ATXN10: variants seen among roughly 807,000 people sequenced by gnomAD.
ATXN10 encodes ataxin-10.
ATXN10 carries 28 observed loss-of-function variants against 52.9 expected under a neutral mutation model. That is an observed-to-expected ratio of 0.53 (90% CI 0.39 to 0.73). ATXN10 has a LOEUF of 0.73. Among genes scored for constraint, ATXN10 ranks in the 30% least tolerant of loss-of-function variants. ATXN10 has a pLI of 0.00. For missense variants in ATXN10, 565 were observed against 577.0 expected (o/e 0.98, Z 0.21); for synonymous variants, 226 against 221.5 (o/e 1.02, Z -0.18).
chr22:45,685,095 CTTT>C (rs66761568), intron 1 of ATXN10, among the ~76,000 whole-genome samples: 1 of 142,582 alleles, frequency 7.0e-6, no homozygotes. Context: ...TAGCATGTAG[CTTT>C]TTTTTTTTTT....
intron 5 of ATXN10, among the ~76,000 whole-genome samples, chr22:45,714,243 A>G (rs568402381): frequency 6.6e-4 from 100 of 151,854 alleles, no homozygotes; most frequent in Admixed American, 5.2e-3. Flanking sequence ...TGTGTATTCT[A>G]ATTTTCTTTA....
chr22:45,805,599 A>G lies in ATXN10; in HGVS notation c.1174-1360A>G, dbSNP rs969793960. On this transcript the variant is annotated intron_variant, in intron 9 of 11. Transcript: ENST00000252934. This position sits in a 1 kb window ranked among gnomAD's most constrained non-coding sequence, Gnocchi z 4.4. ...AAAGAAGCCAGGTTCAAAAGGCTAC[A>G]TGTCGTTCAGATTTTCTGACTCCGT... Among the ~76,000 whole-genome samples, 3 of 152,220 alleles carry G rather than the reference A, an allele frequency of 2.0e-5. No homozygotes were observed. The highest frequency in any genetic ancestry group is 2.1e-4 in the South Asian group (1 of 4,820).
At chr22:45,686,900 A>C (rs1923164964) in intron 1 of ATXN10, among the ~76,000 whole-genome samples, 1 of 151,544 alleles carries the variant, frequency 6.6e-6, no homozygotes, top group African/African-American at 2.4e-5. Context: ...TCTGGTGGTG[A>C]GATATGTTTG....
rs931326779 is a variant in ATXN10 at position 45,818,793 on chromosome 22, T to A, written c.1237+11771T>A. 6.6e-6 allele frequency among the ~76,000 whole-genome samples: 1 copy of A among 152,178 alleles called. No homozygotes were observed. Among genetic ancestry groups the A allele is most frequent in the African/African-American group, 2.4e-5 (1 of 41,454 alleles). On this transcript the variant is annotated intron_variant, in intron 10 of 11. Coordinates refer to ENST00000252934, the MANE Select transcript of ATXN10 (RefSeq NM_013236.4). This position sits in a 1 kb window ranked among gnomAD's most constrained non-coding sequence, Gnocchi z 4.6. ...GCTGTTAATGTTCTAAGGGCCACCA[T>A]GTAACATTTATTTGAAAACAGAAAC...
chr22:45,676,864 C>G (rs1315223682), intron 1 of ATXN10: 1 of 152,402 alleles, frequency 6.6e-6, no homozygotes, highest in Non-Finnish European at 1.5e-5. Flanking sequence ...ACTGCATCCT[C>G]GACTTCCTGG....
chr22:45,749,296 G>A (rs138179), intron 9 of ATXN10, among the ~76,000 whole-genome samples: 4 of 151,972 alleles, frequency 2.6e-5, no homozygotes, highest in Non-Finnish European at 5.9e-5. Context: ...TGAGTCAAGC[G>A]TAGAGTAGTT....
chr22:45,719,974 C>T, intron 6 of ATXN10, among the ~76,000 whole-genome samples: 1 of 152,038 alleles, frequency 6.6e-6, no homozygotes, highest in Non-Finnish European at 1.5e-5. Flanking sequence ...GGTTGGCACA[C>T]AGCAGGTGCT....
chr22:45,721,519 G>A (rs1422940562), intron 6 of ATXN10, among the ~76,000 whole-genome samples: 1 of 152,176 alleles, frequency 6.6e-6, no homozygotes, highest in African/African-American at 2.4e-5. Flanking sequence ...ATCAGAAAGA[G>A]TTCAAATACC....
At chr22:45,699,765 A>G (rs372595079) in intron 3 of ATXN10, among the ~76,000 whole-genome samples, 2 of 150,960 alleles carry the variant, frequency 1.3e-5, no homozygotes, top group South Asian at 2.1e-4. Flanking sequence ...GAGTGCTGGG[A>G]TTACGGGTGT....
chr22:45,748,933 T>C (rs920900290), intron 9 of ATXN10, among the ~76,000 whole-genome samples: 1 of 152,210 alleles, frequency 6.6e-6, no homozygotes, highest in Admixed American at 6.5e-5. Context: ...TTTAAAAGAC[T>C]AAAGGATGGT....
At chr22:45,753,377 C>CTTTTTTTTTTTTTTTTTTTT (rs71190680) in intron 9 of ATXN10, among the ~76,000 whole-genome samples, 1 of 57,814 alleles carries the variant, frequency 1.7e-5, no homozygotes, top group Admixed American at 2.6e-4. Flanking sequence ...CTCTTACCAG[C>CTTTTTTTTTTTTTTTTTTTT]TTTTTTTTTT....
chr22:45,675,986 C>T (rs186446975), intron 1 of ATXN10: 1 of 152,254 alleles, frequency 6.6e-6, no homozygotes, highest in East Asian at 1.9e-4. Flanking sequence ...ATGTAGATAT[C>T]ACCGTATTTC....
chr22:45,740,568 A>G, intron 9 of ATXN10, 30 bp downstream of exon 9: 3 of 1,600,516 alleles, frequency 1.9e-6, no homozygotes, highest in Non-Finnish European at 2.6e-6. Flanking sequence ...TGTATTATAC[A>G]TGTATGGCTT....
At position 45,780,466 on chromosome 22, in the gene ATXN10, C is replaced by T. The variant is rs1019551396; in HGVS notation, c.1174-26493C>T. 1.3e-5 allele frequency among the ~76,000 whole-genome samples: 2 copies of T among 152,152 alleles called. No individual in the cohort carries two copies. Among genetic ancestry groups the T allele is most frequent in the African/African-American group, 2.4e-5 (1 of 41,444 alleles). ...TTTATGCAGTGTGGTGGGAGGAGGT[C>T]TGGCTCTGGAGTCAGGCAGACCTAG... On this transcript the variant is annotated intron_variant, in intron 9 of 11. Coordinates refer to ENST00000252934, the MANE Select transcript of ATXN10 (RefSeq NM_013236.4). This position sits in a 1 kb window ranked among gnomAD's most constrained non-coding sequence, Gnocchi z 4.0.
chr22:45,757,825 C>T lies in ATXN10; in HGVS notation c.1173+17287C>T, dbSNP rs915159359. 5.3e-5 allele frequency among the ~76,000 whole-genome samples: 8 copies of T among 152,172 alleles called. No homozygotes were observed. The highest frequency in any genetic ancestry group is 1.2e-4 in the Non-Finnish European group (8 of 68,036). ...TTAGTACTTTTCTTACATGATTCAACTTGGACTTATTAGAGAAATAAACTC... is the reference window on the plus strand; with the variant it reads ...TTAGTACTTTTCTTACATGATTCAATTTGGACTTATTAGAGAAATAAACTC... On this transcript the variant is annotated intron_variant, in intron 9 of 11. Coordinates refer to ENST00000252934, the MANE Select transcript of ATXN10 (RefSeq NM_013236.4). The surrounding 1 kb of genome is among the most constrained non-coding windows in gnomAD (Gnocchi z 4.6).
At chr22:45,793,250 A>C (rs1601649530) in intron 9 of ATXN10, 1 of 160,858 alleles carries the variant, frequency 6.2e-6, no homozygotes, top group Non-Finnish European at 1.4e-5. Flanking sequence ...CTTTGTGTTC[A>C]GCATCTCCTA....
rs1412866633 is a variant in ATXN10 at position 45,823,517 on chromosome 22, C to G, written c.1237+16495C>G. On this transcript the variant is annotated intron_variant, in intron 10 of 11. Transcript: ENST00000252934. The surrounding 1 kb of genome is among the most constrained non-coding windows in gnomAD (Gnocchi z 4.9). ...TTCACCCTTGGCTCTGCAGGACCGCCTTGTCATAAATCATTGTCCTACAGG... is the reference window on the plus strand; with the variant it reads ...TTCACCCTTGGCTCTGCAGGACCGCGTTGTCATAAATCATTGTCCTACAGG... Among the ~76,000 whole-genome samples, 1 of 152,104 alleles carries G rather than the reference C, an allele frequency of 6.6e-6. No individual in the cohort carries two copies. The highest frequency in any genetic ancestry group is 1.5e-5 in the Non-Finnish European group (1 of 68,030).
chr22:45,843,780 G>A lies in ATXN10; in HGVS notation c.*109G>A, dbSNP rs1057082298. On this transcript the variant is annotated 3_prime_UTR_variant, in exon 12 of 12. Transcript: ENST00000252934. This position sits in a 1 kb window ranked among gnomAD's most constrained non-coding sequence, Gnocchi z 4.5. ...TGAAGATTTATAAGTACAAATTTGG[G>A]AACATACAAATCTTTTAGGTAGTAG... is the stretch of plus-strand genomic sequence containing the variant. 4 of 1,110,338 alleles carry A rather than the reference G, an allele frequency of 3.6e-6. No individual in the cohort carries two copies. In the African/African-American group the frequency reaches 6.2e-5, roughly 17 times the overall value. 68.8% of individuals were successfully genotyped at this position (1,110,338 alleles called of 1,614,324 possible).
At chr22:45,749,475 G>C (rs1190392098) in intron 9 of ATXN10, among the ~76,000 whole-genome samples, 7 of 152,136 alleles carry the variant, frequency 4.6e-5, no homozygotes, top group African/African-American at 1.7e-4. Context: ...TTGTATTACA[G>C]CTTTTTCCAC....
Sources: allele counts gnomAD v4.1 joint callset (sites outside exome capture counted in the v4.1 genomes callset), GRCh38; gene constraint gnomAD v4.1.1; non-coding constraint Gnocchi (gnomAD v3.1); transcripts MANE v1.5; gene names NCBI Gene and HGNC (gene_info 2026-07-23, HGNC 2026-07-21).